The following NEK1 variants were observed in gnomAD, a reference collection of about 807,000 sequenced individuals.
NEK1 encodes serine/threonine-protein kinase Nek1.
In NEK1, 137 loss-of-function variants were observed where a neutral mutation model predicts 182.1. The observed-to-expected ratio is 0.75, with a 90% CI of 0.65 to 0.87. The LOEUF (loss-of-function observed/expected upper bound fraction) is 0.87, where lower values mean the gene tolerates loss of function less well. Among genes scored for constraint, NEK1 ranks in the 40% least tolerant of loss-of-function variants. The probability of loss-of-function intolerance (pLI) is 0.00; values close to 1 mark genes in which losing one functional copy is unlikely to be tolerated. For synonymous variants in NEK1, 513 were observed against 492.2 expected (o/e 1.04, Z -0.56); for missense variants, 1,391 against 1,494.4 (o/e 0.93, Z 1.14).
At chr4:169,518,731 A>C (rs533132207) in intron 19 of NEK1, among the ~76,000 whole-genome samples, 1 of 78,166 alleles carries the variant, frequency 1.3e-5, no homozygotes, top group South Asian at 4.2e-4. Context: ...GTTTCAAAGA[A>C]CATCTTTATT....
At chr4:169,483,789 C>G (rs1485924130) in intron 23 of NEK1, among the ~76,000 whole-genome samples, 1 of 150,700 alleles carries the variant, frequency 6.6e-6, no homozygotes, top group Admixed American at 6.6e-5. Context: ...TCACTTGAAC[C>G]CGTGAGGCAG....
At chr4:169,454,128 T>A (rs890485246) in intron 27 of NEK1, among the ~76,000 whole-genome samples, 4 of 152,184 alleles carry the variant, frequency 2.6e-5, no homozygotes, top group Non-Finnish European at 5.9e-5. Context: ...GCTAGCCATA[T>A]ATAGAAAGCT....
chr4:169,526,076 C>T (rs546431324), intron 19 of NEK1, among the ~76,000 whole-genome samples: 15 of 152,314 alleles, frequency 9.8e-5, no homozygotes, highest in Non-Finnish European at 2.2e-4. Context: ...CACACACATA[C>T]ACACGAAACC....
intron 5 of NEK1, among the ~76,000 whole-genome samples, chr4:169,595,914 C>A (rs562508299): frequency 4.4e-4 from 56 of 126,718 alleles, no homozygotes; most frequent in Non-Finnish European, 7.8e-4. Flanking sequence ...CAGAGCCAGA[C>A]TCCACCTCAA....
chr4:169,561,154 G>C (rs757185858), intron 16 of NEK1, among the ~76,000 whole-genome samples: 1 of 152,160 alleles, frequency 6.6e-6, no homozygotes, highest in Non-Finnish European at 1.5e-5. Context: ...AATCTTCAAG[G>C]CTACATGAAA....
At chr4:169,566,967 C>T (rs1010813058) in intron 12 of NEK1, among the ~76,000 whole-genome samples, 2 of 151,892 alleles carry the variant, frequency 1.3e-5, no homozygotes, top group African/African-American at 4.8e-5. Context: ...TGGTAGTATG[C>T]ACATGTAGTC....
chr4:169,423,722 A>G (rs991735244), intron 31 of NEK1, among the ~76,000 whole-genome samples: 2 of 152,196 alleles, frequency 1.3e-5, no homozygotes, highest in Non-Finnish European at 2.9e-5. Context: ...ATAATTGTAG[A>G]TATGTACAAA....
At chr4:169,478,651 A>G (rs995673440) in intron 24 of NEK1, among the ~76,000 whole-genome samples, 4 of 152,142 alleles carry the variant, frequency 2.6e-5, no homozygotes, top group Non-Finnish European at 5.9e-5. Flanking sequence ...TTTGTCTGCA[A>G]ATATTTACTG....
At chr4:169,587,412 A>G (rs1767713830) in intron 9 of NEK1, 147 bp downstream of exon 9, 1 of 479,048 alleles carries the variant, frequency 2.1e-6, no homozygotes. Flanking sequence ...TTTATACTTC[A>G]GAAAAAATGA....
intron 2 of NEK1, among the ~76,000 whole-genome samples, chr4:169,607,950 C>T (rs1419951568): frequency 6.6e-6 from 1 of 151,978 alleles, no homozygotes; most frequent in Non-Finnish European, 1.5e-5. Context: ...CAACAACACA[C>T]ACCGGGATGG....
At chr4:169,523,830 A>G (rs1270877338) in intron 19 of NEK1, among the ~76,000 whole-genome samples, 1 of 152,246 alleles carries the variant, frequency 6.6e-6, no homozygotes, top group Non-Finnish European at 1.5e-5. Flanking sequence ...AACATATTAC[A>G]GTCATTAATT....
intron 18 of NEK1, among the ~76,000 whole-genome samples, chr4:169,553,466 A>G (rs1436091561): frequency 1.3e-5 from 2 of 152,190 alleles, no homozygotes; most frequent in South Asian, 2.1e-4. Flanking sequence ...CTTTTCAGTT[A>G]TAACACCAGA....
chr4:169,599,640 T>C (rs1257904776), intron 4 of NEK1, among the ~76,000 whole-genome samples: 1 of 152,150 alleles, frequency 6.6e-6, no homozygotes, highest in Non-Finnish European at 1.5e-5. Context: ...ACTTACTTAT[T>C]AAATAAATAA....
At chr4:169,607,072 C>T (rs1771477003) in intron 2 of NEK1, among the ~76,000 whole-genome samples, 1 of 152,248 alleles carries the variant, frequency 6.6e-6, no homozygotes, top group African/African-American at 2.4e-5. Flanking sequence ...AGTTCTGCTC[C>T]TGTTATTCTG....
At chr4:169,488,144 G>A (rs1749385365) in intron 23 of NEK1, among the ~76,000 whole-genome samples, 1 of 152,088 alleles carries the variant, frequency 6.6e-6, no homozygotes. Flanking sequence ...TCTGATGACA[G>A]TTTCTTTTGC....
chr4:169,525,287 C>G (rs1052259294), intron 19 of NEK1, among the ~76,000 whole-genome samples: 1 of 151,984 alleles, frequency 6.6e-6, no homozygotes, highest in Non-Finnish European at 1.5e-5. Flanking sequence ...CACCACCATG[C>G]CCAGCTAATT....
rs1358112481 is a variant in NEK1, at chr4:169,576,919, T to C, written c.1020+9A>G. On this transcript the variant is annotated intron_variant, in intron 12 of 35. Transcript: ENST00000507142. ...TGTTATTAACACATGGTATGTAACA[T>C]GATCATACCTGTTTATGTTTTTGCA... 9 of 1,587,996 alleles carry C rather than the reference T, an allele frequency of 5.7e-6. No homozygotes were observed. Among genetic ancestry groups the C allele is most frequent in the South Asian group, 1.1e-5 (1 of 88,944 alleles).
At chr4:169,406,865 AGT>A (rs1732722043) in intron 31 of NEK1, 118 bp from the exon 32 acceptor site, 2 of 625,638 alleles carry the variant, frequency 3.2e-6, no homozygotes, top group Non-Finnish European at 5.0e-6. Context: ...ACATATAAAA[AGT>A]TTTTTTATAT....
chr4:169,606,693 G>A (rs1164947678), intron 2 of NEK1, among the ~76,000 whole-genome samples: 1 of 152,164 alleles, frequency 6.6e-6, no homozygotes, highest in Non-Finnish European at 1.5e-5. Context: ...ACTAAGAATG[G>A]AAATCCCATC....
Sources: gnomAD v4.1 joint callset for allele counts (sites outside exome capture counted in the v4.1 genomes callset) on GRCh38, gnomAD v4.1.1 for gene constraint, MANE v1.5 for transcripts, NCBI Gene and HGNC (gene_info 2026-07-23, HGNC 2026-07-21) for gene names.